The following TTLL11 variants were observed in gnomAD, a reference collection of about 807,000 sequenced individuals.
The protein encoded by TTLL11 is tubulin polyglutamylase TTLL11.
In TTLL11, 42 loss-of-function variants were observed where a neutral mutation model predicts 51.7. That is an observed-to-expected ratio of 0.81 (90% CI 0.64 to 1.05). The LOEUF is 1.05. Ranked by LOEUF, TTLL11 falls within the 50% of genes least tolerant of loss-of-function variation. The pLI is 0.00. For missense variants in TTLL11, 799 were observed against 940.4 expected (o/e 0.85, Z 1.97); for synonymous variants, 381 against 383.5 (o/e 0.99, Z 0.08).
At chr9:121,823,826 C>G (rs1291820961) in intron 8 of TTLL11, among the ~76,000 whole-genome samples, 1 of 152,218 alleles carries the variant, frequency 6.6e-6, no homozygotes, top group Non-Finnish European at 1.5e-5. Context: ...TACGACACCC[C>G]TGGAATGCTC....
At chr9:121,878,598 T>C (rs1156613986) in intron 6 of TTLL11, among the ~76,000 whole-genome samples, 1 of 152,202 alleles carries the variant, frequency 6.6e-6, no homozygotes, top group Non-Finnish European at 1.5e-5. Flanking sequence ...AAGGACTTAC[T>C]CTAATGCCCT....
At chr9:121,946,192 A>G (rs1389611397) in intron 6 of TTLL11, among the ~76,000 whole-genome samples, 2 of 152,236 alleles carry the variant, frequency 1.3e-5, no homozygotes, top group Non-Finnish European at 2.9e-5. Context: ...CAGAGTGGAC[A>G]CACAGAGTGC....
chr9:122,004,617 C>T (rs764119652), intron 3 of TTLL11, among the ~76,000 whole-genome samples: 2 of 152,120 alleles, frequency 1.3e-5, no homozygotes, highest in Admixed American at 6.6e-5. Context: ...CCTCCCAATA[C>T]AGCATTCTTA....
chr9:121,825,087 C>T (rs7020746), intron 8 of TTLL11, among the ~76,000 whole-genome samples: 7,016 of 152,196 alleles, frequency 0.046, 343 homozygotes, highest in African/African-American at 0.12. Flanking sequence ...ATGTAAACAG[C>T]GGCCTGGGAT....
intron 6 of TTLL11, among the ~76,000 whole-genome samples, chr9:121,936,174 C>A (rs1188394828): frequency 6.6e-6 from 1 of 152,034 alleles, no homozygotes; most frequent in Non-Finnish European, 1.5e-5. Context: ...TCGGCCAGTT[C>A]TTAGGACAAG....
intron 8 of TTLL11, among the ~76,000 whole-genome samples, chr9:121,852,869 T>C (rs1358309584): frequency 6.6e-6 from 1 of 152,196 alleles, no homozygotes; most frequent in South Asian, 2.1e-4. Flanking sequence ...ATTTCAAGGC[T>C]GAAGAACATC....
At chr9:121,970,993 C>T (rs1276060430) in intron 6 of TTLL11, among the ~76,000 whole-genome samples, 1 of 152,016 alleles carries the variant, frequency 6.6e-6, no homozygotes, top group Non-Finnish European at 1.5e-5. Flanking sequence ...ATGTGGCCGG[C>T]CAGCCGCCCC....
At chr9:121,824,043 G>A (rs555714272) in intron 8 of TTLL11, among the ~76,000 whole-genome samples, 6 of 152,278 alleles carry the variant, frequency 3.9e-5, no homozygotes, top group East Asian at 1.9e-4. Flanking sequence ...TGCGCTTCCC[G>A]TGCTGCCCAG....
chr9:122,035,167 C>T lies in TTLL11; in HGVS notation c.560-3311G>A, dbSNP rs144175710. ...CTCTCCTCTGTTCCCCTCAAGCCCA[C>T]CCTGCAAGGGCTGGAATCCTCCTGT... On this transcript the variant is annotated intron_variant, in intron 2 of 8. Coordinates refer to ENST00000321582, the MANE Select transcript of TTLL11 (RefSeq NM_001139442.2). Among the ~76,000 whole-genome samples, 39 of 152,324 alleles carry T rather than the reference C, an allele frequency of 2.6e-4. No individual in the cohort carries two copies. In the South Asian group the frequency reaches 5.6e-3, roughly 22 times the overall value.
chr9:121,860,499 C>T (rs1588076306), intron 7 of TTLL11, 56 bp from the exon 8 acceptor site: 2 of 1,352,176 alleles, frequency 1.5e-6, no homozygotes, highest in Admixed American at 2.0e-5. Flanking sequence ...TCCTGTCTAT[C>T]TCTCCTCCAC....
chr9:121,947,523 T>G (rs1841710107), intron 6 of TTLL11, among the ~76,000 whole-genome samples: 2 of 152,214 alleles, frequency 1.3e-5, no homozygotes, highest in Non-Finnish European at 2.9e-5. Context: ...TGGGTACAGA[T>G]GCATTCTGCA....
At chr9:122,018,314 G>A (rs1027556603) in intron 3 of TTLL11, among the ~76,000 whole-genome samples, 1 of 151,826 alleles carries the variant, frequency 6.6e-6, no homozygotes, top group Non-Finnish European at 1.5e-5. Flanking sequence ...AGGTTTCACC[G>A]TGTTAGCTAG....
intron 6 of TTLL11, among the ~76,000 whole-genome samples, chr9:121,947,650 A>G (rs900365963): frequency 1.3e-5 from 2 of 152,212 alleles, no homozygotes; most frequent in African/African-American, 4.8e-5. Flanking sequence ...CAGAGAGCAT[A>G]ATAGAAAATG....
intron 1 of TTLL11, among the ~76,000 whole-genome samples, chr9:122,052,643 T>C (rs1845193269): frequency 6.6e-6 from 1 of 152,336 alleles, no homozygotes; most frequent in Middle Eastern, 3.4e-3. Context: ...CCTTCATCCA[T>C]CTTTCTGTTA....
intron 6 of TTLL11, among the ~76,000 whole-genome samples, chr9:121,918,606 T>G (rs1202468564): frequency 1.3e-5 from 2 of 152,154 alleles, no homozygotes; most frequent in Non-Finnish European, 2.9e-5. Flanking sequence ...GAGGCATCAT[T>G]AGAGATAAAT....
rs115977198 is a variant in TTLL11 at position 121,951,470 on chromosome 9, C to T, written c.1481+22539G>A. Among the ~76,000 whole-genome samples, 1,043 of 152,280 alleles carry T rather than the reference C, an allele frequency of 6.8e-3. 12 individuals are homozygous for T. Among genetic ancestry groups the T allele is most frequent in the African/African-American group, 0.022 (906 of 41,550 alleles). On this transcript the variant is annotated intron_variant, in intron 6 of 8. Coordinates refer to ENST00000321582, the MANE Select transcript of TTLL11 (RefSeq NM_001139442.2). ...TAAAATTTATTTATATTTACATAAA[C>T]TTGCATAATTTACAAGGGACACTTA...
At chr9:122,022,510 T>C (rs550182806) in intron 3 of TTLL11, among the ~76,000 whole-genome samples, 11 of 151,566 alleles carry the variant, frequency 7.3e-5, no homozygotes, top group Non-Finnish European at 1.6e-4. Flanking sequence ...AAAAACAAAA[T>C]GTCCACCTAG....
chr9:121,875,697 A>G (rs1268829934), intron 6 of TTLL11, among the ~76,000 whole-genome samples: 2 of 152,218 alleles, frequency 1.3e-5, no homozygotes, highest in African/African-American at 2.4e-5. Flanking sequence ...AATATGTAAG[A>G]TCCTGTTTTT....
chr9:121,966,479 C>T (rs1302941230), intron 6 of TTLL11, among the ~76,000 whole-genome samples: 5 of 152,064 alleles, frequency 3.3e-5, no homozygotes, highest in Non-Finnish European at 5.9e-5. Context: ...TGGGTCCCCT[C>T]GAGCCCAAAA....
Sources: gnomAD v4.1 joint callset for allele counts (sites outside exome capture counted in the v4.1 genomes callset) on GRCh38, gnomAD v4.1.1 for gene constraint, MANE v1.5 for transcripts, NCBI Gene and HGNC (gene_info 2026-07-23, HGNC 2026-07-21) for gene names.